NUMB: variants seen among roughly 807,000 people sequenced by gnomAD.
NUMB encodes protein numb homolog.
NUMB carries 29 observed loss-of-function variants against 59.7 expected under a neutral mutation model. The observed-to-expected ratio is 0.49, with a 90% CI of 0.36 to 0.66. The LOEUF is 0.66. NUMB is among the 30% of genes least tolerant of loss of function. The pLI is 0.00. For missense variants in NUMB, 723 were observed against 822.0 expected (o/e 0.88, Z 1.47); for synonymous variants, 288 against 288.2 (o/e 1.00, Z 0.01).
intron 2 of NUMB, among the ~76,000 whole-genome samples, chr14:73,400,883 C>T (rs1379964916): frequency 6.6e-6 from 1 of 152,172 alleles, no homozygotes; most frequent in African/African-American, 2.4e-5. Context: ...CCATCTGTCT[C>T]CTTTGTAATA....
chr14:73,377,504 G>A (rs1895009007), intron 2 of NUMB, among the ~76,000 whole-genome samples: 1 of 151,990 alleles, frequency 6.6e-6, no homozygotes, highest in South Asian at 2.1e-4. Context: ...GCTGGGCTTG[G>A]TAGTACATGC....
At chr14:73,284,031 G>C (rs1270974252) in intron 10 of NUMB, 50 bp downstream of exon 10, 1 of 1,527,874 alleles carries the variant, frequency 6.5e-7, no homozygotes, top group Non-Finnish European at 9.0e-7. Flanking sequence ...GAAGTGATGA[G>C]AATGCTTCAG....
intron 4 of NUMB, among the ~76,000 whole-genome samples, chr14:73,347,690 G>GT (rs1892990442): frequency 6.6e-6 from 1 of 152,078 alleles, no homozygotes; most frequent in Admixed American, 6.5e-5. Flanking sequence ...TGAAACTTTG[G>GT]TTTCTAAGAC....
intron 12 of NUMB, among the ~76,000 whole-genome samples, chr14:73,277,762 T>TA (rs35278332): frequency 0.33 from 46,946 of 143,846 alleles, 8,473 homozygotes; most frequent in East Asian, 0.71. Flanking sequence ...AATTCTGTCT[T>TA]AAAAAAAAAA....
At chr14:73,327,164 T>C (rs1566744296) in intron 4 of NUMB, among the ~76,000 whole-genome samples, 2 of 152,198 alleles carry the variant, frequency 1.3e-5, no homozygotes, top group Admixed American at 6.5e-5. Context: ...CAAGTGAGCC[T>C]CTCTGAAGAC....
chr14:73,451,393 A>G (rs1883960667), intron 1 of NUMB, among the ~76,000 whole-genome samples: 1 of 149,898 alleles, frequency 6.7e-6, no homozygotes, highest in Non-Finnish European at 1.5e-5. Flanking sequence ...GCCAAGATTG[A>G]GCCACTGCAC....
rs574841289 is a variant in NUMB, at chr14:73,319,699, A to G, written c.202-3277T>C. ...CTCAGAGAAATCAAAAGGCAACGAG[A>G]AATTTCTGCATAGTAAAAATATGAA... is the stretch of plus-strand genomic sequence containing the variant. On this transcript the variant is annotated intron_variant, in intron 5 of 12. Coordinates refer to ENST00000555238, the MANE Select transcript of NUMB (RefSeq NM_001005743.2). Among the ~76,000 whole-genome samples the G allele has an allele frequency of 2.3e-4, 35 of 152,346 alleles. 1 individual carries two copies. The South Asian group carries it at 7.0e-3, about 31-fold the overall frequency.
chr14:73,422,365 C>T (rs1360319194), intron 1 of NUMB, among the ~76,000 whole-genome samples: 1 of 152,108 alleles, frequency 6.6e-6, no homozygotes, highest in East Asian at 1.9e-4. Flanking sequence ...TGTGGAGAAC[C>T]AGAGCCTTTA....
intron 6 of NUMB, among the ~76,000 whole-genome samples, chr14:73,304,297 G>GTTTC (rs752150508): frequency 1.3e-4 from 19 of 150,184 alleles, no homozygotes; most frequent in Middle Eastern, 3.5e-3. Context: ...AGAAACCACT[G>GTTTC]TTTCTTTCTT....
rs1419968692 is a variant in NUMB at position 73,282,413 on chromosome 14, C to G, written c.1042G>C (p.Ala348Pro). The G allele has an allele frequency of 1.9e-6, 3 of 1,614,176 alleles. No homozygotes were observed. The highest frequency in any genetic ancestry group is 1.3e-5 in the African/African-American group (1 of 75,028). Reference protein sequence around the residue: ...FSTPEDPFSSAPMTKPVTVVA... With the variant: ...FSTPEDPFSSPPMTKPVTVVA... The stretch of plus-strand genomic sequence containing the variant: ...ACTGTCACTGGTTTGGTCATCGGAG[C>G]AGATGAGAAGGGGTCCTCAGGTGTG... Residue 348 changes from alanine (A) to proline (P), a missense_variant, in exon 11 of 13, where the codon GCT becomes CCT. Ala to Pro is a conservative substitution (Grantham distance 27, BLOSUM62 -1). This residue lies in a region of NUMB where 406 missense variants were observed against 385.4 expected (regional missense o/e 1.05). Transcript: ENST00000555238.
chr14:73,367,322 C>CACACACACATATATAT (rs1555375266), intron 2 of NUMB, among the ~76,000 whole-genome samples: 1 of 92,354 alleles, frequency 1.1e-5, no homozygotes, highest in African/African-American at 5.4e-5. Context: ...CACACACACA[C>CACACACACATATATAT]ATATATACAT....
rs1312408465 is a variant in NUMB at position 73,275,957 on chromosome 14, T to C, written c.*621A>G. 1 of 152,698 alleles carries C rather than the reference T, an allele frequency of 6.5e-6. No homozygotes were observed. Among genetic ancestry groups the C allele is most frequent in the Non-Finnish European group, 1.5e-5 (1 of 68,066 alleles). The allele number at this position is 152,698 out of a possible 1,614,324, so 9.5% of individuals were successfully genotyped here. A position where few individuals can be genotyped will look rare whatever the true frequency, so the allele number is the denominator to read the frequency against. ...ACAACTTCTTAATATCTGAGAACTA[T>C]TTAAAATATTCTAAATGCATAAAAA... On this transcript the variant is annotated 3_prime_UTR_variant, in exon 13 of 13. Coordinates refer to ENST00000555238, the MANE Select transcript of NUMB (RefSeq NM_001005743.2).
chr14:73,396,015 C>T (rs76518852), intron 2 of NUMB, among the ~76,000 whole-genome samples: 7,843 of 152,166 alleles, frequency 0.052, 654 homozygotes, highest in African/African-American at 0.18. Context: ...TGAAAACTAA[C>T]ATAGTCTTTT....
At chr14:73,420,512 A>G (rs1897309420) in intron 1 of NUMB, among the ~76,000 whole-genome samples, 1 of 152,070 alleles carries the variant, frequency 6.6e-6, no homozygotes, top group South Asian at 2.1e-4. Flanking sequence ...AATTACCACC[A>G]AAAATGTTTT....
intron 4 of NUMB, among the ~76,000 whole-genome samples, chr14:73,345,037 A>G (rs1026089987): frequency 6.6e-6 from 1 of 152,248 alleles, no homozygotes; most frequent in Non-Finnish European, 1.5e-5. Flanking sequence ...CCAAAAATAC[A>G]CATGCACTTT....
At chr14:73,286,811 A>G (rs177377) in intron 9 of NUMB, 193,399 of 382,690 alleles carry the variant, frequency 0.51, 51,074 homozygotes, top group East Asian at 0.74. Context: ...GAGATCAGAT[A>G]CATCAGAATT....
Position 73,279,376 on chromosome 14 carries a change from G to A in NUMB, c.1145C>T (p.Thr382Ile), listed in dbSNP as rs1888446954. ...AFHVLAKPAH[T>I]ALAPVAMPVR... ...AGGCATTGCTACGGGTGCTAGAGCA[G>A]TATGGGCTGGCTTAGCAAGCACATG... Residue 382 changes from threonine (T) to isoleucine (I), a missense_variant, in exon 12 of 13, where the codon ACT becomes ATT. Around this residue, in one of 2 missense-constraint regions of NUMB, gnomAD observed 406 missense variants for 385.4 expected, o/e 1.05. Coordinates refer to ENST00000555238, the MANE Select transcript of NUMB (RefSeq NM_001005743.2). 6.2e-7 allele frequency: 1 copy of A among 1,609,100 alleles called. No individual in the cohort carries two copies. The highest frequency in any genetic ancestry group is 2.2e-5 in the East Asian group (1 of 44,840).
intron 6 of NUMB, among the ~76,000 whole-genome samples, chr14:73,309,179 G>A (rs1890627664): frequency 1.3e-5 from 2 of 151,898 alleles, no homozygotes; most frequent in African/African-American, 4.8e-5. Flanking sequence ...TGAATGGGAG[G>A]GAAACAATAT....
intron 5 of NUMB, 108 bp from the exon 6 acceptor site, chr14:73,316,530 G>T: frequency 1.0e-6 from 1 of 989,662 alleles, no homozygotes; most frequent in Non-Finnish European, 1.6e-6. Flanking sequence ...AAAAGTGGGA[G>T]AAGGGGTGGG....
Sources: allele counts gnomAD v4.1 joint callset (sites outside exome capture counted in the v4.1 genomes callset), GRCh38; gene constraint gnomAD v4.1.1; regional missense constraint gnomAD v4.1.1; transcripts MANE v1.5; gene names NCBI Gene and HGNC (gene_info 2026-07-23, HGNC 2026-07-21).